The following TMEM38B variants were observed in gnomAD, a reference collection of about 807,000 sequenced individuals.
TMEM38B encodes trimeric intracellular cation channel type B.
A neutral mutation model predicts 28.7 loss-of-function variants in TMEM38B; 24 were observed. The ratio of observed to expected loss-of-function variants is 0.84; its 90% confidence interval spans 0.61 to 1.18. The LOEUF is 1.18. TMEM38B is among the 50% of genes most tolerant of loss of function. The pLI is 0.00. For synonymous variants in TMEM38B, 131 were observed against 127.7 expected, an observed-to-expected ratio of 1.03 and a Z score of -0.17; for missense variants, 380 against 350.9, an observed-to-expected ratio of 1.08 and a Z score of -0.66.
Position 105,699,767 on chromosome 9 carries a change from CAT to C in TMEM38B, c.112+4996_112+4997del, listed in dbSNP as rs572238590. ...TACCTCCATTTGTCTCGTGAACAAA[CAT>C]GTGAATCCTCCTGAACCCTTGCGTG... On this transcript the variant is annotated intron_variant, in intron 1 of 5. Transcript: ENST00000374692. Among the ~76,000 whole-genome samples, 70 of 152,276 alleles carry C rather than the reference CAT, an allele frequency of 4.6e-4. No individual in the cohort carries two copies. The South Asian group carries it at 0.013, about 28-fold the overall frequency.
At chr9:105,745,349 AT>A (rs1266719481) in intron 4 of TMEM38B, among the ~76,000 whole-genome samples, 9 of 152,094 alleles carry the variant, frequency 5.9e-5, no homozygotes, top group Non-Finnish European at 1.2e-4. Context: ...GATGATGAGC[AT>A]TTTTTCATCT....
At position 105,775,033 on chromosome 9, in the gene TMEM38B, G is replaced by A. The variant is rs1446117559; in HGVS notation, c.*953G>A. ...ATCCGTTCAAAAATTTTTCCACTAT[G>A]TCTTTTTTCTAGTGGCTACTGTTTT... On this transcript the variant is annotated 3_prime_UTR_variant, in exon 6 of 6. Coordinates refer to ENST00000374692, the MANE Select transcript of TMEM38B (RefSeq NM_018112.3). 1 of 151,986 alleles carries A rather than the reference G, an allele frequency of 6.6e-6. No homozygotes were observed. Among genetic ancestry groups the A allele is most frequent in the Non-Finnish European group, 1.5e-5 (1 of 67,942 alleles). The allele number at this position is 151,986 out of a possible 1,614,324, so 9.4% of individuals were successfully genotyped here. A position where few individuals can be genotyped will look rare whatever the true frequency, so the allele number is the denominator to read the frequency against.
intron 5 of TMEM38B, among the ~76,000 whole-genome samples, chr9:105,761,235 T>C (rs1411241161): frequency 6.6e-6 from 1 of 152,208 alleles, no homozygotes; most frequent in Non-Finnish European, 1.5e-5. Context: ...AATGTTGCAC[T>C]CTTTTGTATA....
intron 5 of TMEM38B, among the ~76,000 whole-genome samples, chr9:105,752,472 C>T (rs1303037019): frequency 6.6e-6 from 1 of 152,180 alleles, no homozygotes; most frequent in Non-Finnish European, 1.5e-5. Context: ...GAGGAAGGAG[C>T]TGGCTGCCAT....
intron 4 of TMEM38B, among the ~76,000 whole-genome samples, chr9:105,740,678 C>T (rs1837170113): frequency 6.6e-6 from 1 of 152,158 alleles, no homozygotes; most frequent in African/African-American, 2.4e-5. Context: ...AAAACGAAGT[C>T]AAGTTGTCCC....
At chr9:105,752,252 G>T (rs75283487) in intron 5 of TMEM38B, among the ~76,000 whole-genome samples, 3,524 of 152,196 alleles carry the variant, frequency 0.023, 135 homozygotes, top group African/African-American at 0.081. Context: ...CTAGGCTGCC[G>T]GCTTTGGAAT....
intron 1 of TMEM38B, 46 bp downstream of exon 1, chr9:105,694,818 C>T (rs759068138): frequency 1.2e-5 from 7 of 577,726 alleles, no homozygotes; most frequent in Non-Finnish European, 1.5e-5. Context: ...GTGCTCCTGA[C>T]GGCGAGGACC....
intron 5 of TMEM38B, among the ~76,000 whole-genome samples, chr9:105,768,145 G>T (rs1220157687): frequency 6.6e-6 from 1 of 151,992 alleles, no homozygotes; most frequent in East Asian, 1.9e-4. Context: ...GAATGGGTGT[G>T]GGATTTTGTC....
chr9:105,755,067 C>CT (rs1218781092), intron 5 of TMEM38B, among the ~76,000 whole-genome samples: 2 of 152,144 alleles, frequency 1.3e-5, no homozygotes, highest in Non-Finnish European at 2.9e-5. Context: ...TGGACACATA[C>CT]ACCCTTGCAA....
chr9:105,710,261 C>A (rs1835851735), intron 2 of TMEM38B: 1 of 602,422 alleles, frequency 1.7e-6, no homozygotes, highest in Non-Finnish European at 3.1e-6. Flanking sequence ...GTAAGCACAA[C>A]TGTACTGGAT....
chr9:105,721,775 A>T, intron 3 of TMEM38B, 54 bp downstream of exon 3: 2 of 1,342,096 alleles, frequency 1.5e-6, no homozygotes. Context: ...TATTATTAAT[A>T]CCATTACTGA....
chr9:105,727,121 A>G (rs1040529792), intron 4 of TMEM38B, among the ~76,000 whole-genome samples: 6 of 152,170 alleles, frequency 3.9e-5, no homozygotes, highest in East Asian at 1.9e-4. Flanking sequence ...ACATTACACT[A>G]TAATTAGCTA....
At chr9:105,749,207 AT>A (rs565654116) in intron 5 of TMEM38B, 1 of 864,196 alleles carries the variant, frequency 1.2e-6, no homozygotes, top group Non-Finnish European at 1.6e-6. Context: ...CTTTATTGAG[AT>A]ATATTTTCCA....
At chr9:105,749,016 A>G (rs1419455722) in intron 5 of TMEM38B, 2 of 1,237,184 alleles carry the variant, frequency 1.6e-6, no homozygotes, top group African/African-American at 3.1e-5. Context: ...AGGATAGATT[A>G]TATAAATATG....
intron 5 of TMEM38B, among the ~76,000 whole-genome samples, chr9:105,769,179 C>T (rs535290125): frequency 6.6e-6 from 1 of 151,998 alleles, no homozygotes; most frequent in Admixed American, 6.6e-5. Context: ...TATCAACAGA[C>T]AATTCACACA....
chr9:105,737,119 C>A (rs1360038761), intron 4 of TMEM38B, among the ~76,000 whole-genome samples: 2 of 152,174 alleles, frequency 1.3e-5, no homozygotes, highest in Non-Finnish European at 2.9e-5. Context: ...GGCCAATGTG[C>A]TGAGCTTGAA....
intron 1 of TMEM38B, among the ~76,000 whole-genome samples, chr9:105,697,773 T>C (rs1420613636): frequency 6.6e-6 from 1 of 152,164 alleles, no homozygotes; most frequent in East Asian, 1.9e-4. Context: ...CATGAAAAAA[T>C]CTATTAATTT....
At chr9:105,752,188 G>A (rs990645265) in intron 5 of TMEM38B, among the ~76,000 whole-genome samples, 1 of 152,160 alleles carries the variant, frequency 6.6e-6, no homozygotes, top group African/African-American at 2.4e-5. Flanking sequence ...CTGGGATGGA[G>A]CTCCCAGAGG....
intron 2 of TMEM38B, chr9:105,710,518 CT>C: frequency 8.4e-7 from 1 of 1,184,054 alleles, no homozygotes; most frequent in Non-Finnish European, 1.3e-6. Context: ...TCCGATCCCC[CT>C]GGGCAAACTG....
Sources: allele counts gnomAD v4.1 joint callset (sites outside exome capture counted in the v4.1 genomes callset), GRCh38; gene constraint gnomAD v4.1.1; transcripts MANE v1.5; gene names NCBI Gene and HGNC (gene_info 2026-07-23, HGNC 2026-07-21).